The following ERMP1 variants were observed in gnomAD, a reference collection of about 807,000 sequenced individuals.
The protein encoded by ERMP1 is endoplasmic reticulum metallopeptidase 1, also known as Felix-ina.
ERMP1 carries 86 observed loss-of-function variants against 92.0 expected under a neutral mutation model. That is an observed-to-expected ratio of 0.93 (90% CI 0.79 to 1.12). The LOEUF (loss-of-function observed/expected upper bound fraction) is 1.12, where lower values mean the gene tolerates loss of function less well. ERMP1 is among the 50% of genes most tolerant of loss of function. ERMP1 has a pLI of 0.00. For missense variants in ERMP1, 1,342 were observed against 1,116.3 expected (o/e 1.20, Z -2.88); for synonymous variants, 530 against 412.8 (o/e 1.28, Z -3.44).
At chr9:5,862,173 G>C (rs569140200) in intron 5 of ERMP1, among the ~76,000 whole-genome samples, 1 of 152,040 alleles carries the variant, frequency 6.6e-6, no homozygotes, top group African/African-American at 2.4e-5. Context: ...GGGACCACAG[G>C]TGTGTGCCAC....
intron 6 of ERMP1, among the ~76,000 whole-genome samples, chr9:5,857,607 A>T (rs1429419875): frequency 6.6e-6 from 1 of 152,182 alleles, no homozygotes; most frequent in Non-Finnish European, 1.5e-5. Context: ...GACTGAACCC[A>T]ACCAGAGGTC....
chr9:5,846,566 T>G (rs1297250203), intron 6 of ERMP1, among the ~76,000 whole-genome samples: 1 of 152,238 alleles, frequency 6.6e-6, no homozygotes, highest in Non-Finnish European at 1.5e-5. Flanking sequence ...TTGGGAACCT[T>G]GCATGGTTTC....
upstream of ERMP1, among the ~76,000 whole-genome samples, chr9:5,834,883 C>T (rs943292760): frequency 2.7e-5 from 4 of 150,936 alleles, no homozygotes; most frequent in Non-Finnish European, 5.9e-5. Context: ...TCACAGAGTC[C>T]ACGTGTATTT....
At position 5,813,112 on chromosome 9, in the gene ERMP1, G is replaced by A; in HGVS notation, c.875-77C>T. On this transcript the variant is annotated intron_variant, in intron 4 of 14. Transcript: ENST00000339450. The stretch of plus-strand genomic sequence containing the variant: ...ACATACTAATGTTTTTCAACACATA[G>A]AAAACAGTAAAAGTGGTGGTTTTGG... The A allele has an allele frequency of 2.0e-6, 3 of 1,512,226 alleles. No individual in the cohort carries two copies. The Admixed American group carries it at 5.2e-5, about 26-fold the overall frequency. The allele number at this position is 1,512,226 out of a possible 1,614,324, so 93.7% of individuals were successfully genotyped here.
rs1438424023 is a variant in ERMP1, at chr9:5,787,251, A to G, written c.2608T>C (p.Ser870Pro). 6.2e-7 allele frequency: 1 copy of G among 1,614,102 alleles called. No individual in the cohort carries two copies. Among genetic ancestry groups the G allele is most frequent in the Non-Finnish European group, 8.5e-7 (1 of 1,179,992 alleles). The change falls in exon 15 of 15, where the codon TCT becomes CCT. Residue 870 changes from serine (S) to proline (P), a missense_variant. Coordinates refer to ENST00000339450, the MANE Select transcript of ERMP1 (RefSeq NM_024896.3). Reference sequence around the variant, plus strand: ...TGAGGGGATCTCTTGTCTTCCCCAGACAGATAGTGGGCAGCAATGGCCACG... The same window carrying G: ...TGAGGGGATCTCTTGTCTTCCCCAGGCAGATAGTGGGCAGCAATGGCCACG... Reference protein sequence around the residue: ...VTVAIAAHYLSGEDKRSPQLD... With the variant: ...VTVAIAAHYLPGEDKRSPQLD...
At position 5,787,034 on chromosome 9, in the gene ERMP1, T is replaced by G; in HGVS notation, c.*110A>C. ...GTTAACCCAGAAAGCTCTTTGAACA[T>G]ATGATCATTAAAATTCATTGACTTA... On this transcript the variant is annotated 3_prime_UTR_variant, in exon 15 of 15. Transcript: ENST00000339450. 1 of 1,136,962 alleles carries G rather than the reference T, an allele frequency of 8.8e-7. No individual in the cohort carries two copies. The highest frequency in any genetic ancestry group is 1.2e-6 in the Non-Finnish European group (1 of 806,244). 70.4% of individuals were successfully genotyped at this position (1,136,962 alleles called of 1,614,324 possible).
At chr9:5,848,881 G>A (rs1321791603) in intron 6 of ERMP1, among the ~76,000 whole-genome samples, 1 of 152,190 alleles carries the variant, frequency 6.6e-6, no homozygotes, top group African/African-American at 2.4e-5. Context: ...TTGAGTGCAG[G>A]TGGCTACTTG....
chr9:5,862,437 A>C (rs971957534), intron 5 of ERMP1, among the ~76,000 whole-genome samples: 1 of 151,716 alleles, frequency 6.6e-6, no homozygotes, highest in Admixed American at 6.6e-5. Context: ...GATTCAAGAG[A>C]TCCTCTCACC....
chr9:5,787,664 C>A (rs1828001823), intron 13 of ERMP1, 71 bp from the exon 14 acceptor site: 1 of 1,468,364 alleles, frequency 6.8e-7, no homozygotes, highest in South Asian at 1.3e-5. Flanking sequence ...ACAATCCAAA[C>A]CAGACTTCAT....
In ERMP1 at chr9:5,787,542, G is replaced by A; in HGVS notation, c.2438C>T (p.Ser813Phe). ...YVRAHKGSTL[S>F]QWSLGNGTPV... Reference sequence around the variant, plus strand: ...GGTGCCATTGCCAAGAGACCACTGAGAAAGTGTTGACCCTTTGTGGGCTCG... The same window carrying A: ...GGTGCCATTGCCAAGAGACCACTGAAAAAGTGTTGACCCTTTGTGGGCTCG... Residue 813 changes from serine to phenylalanine, a missense_variant, in exon 14 of 15, where the codon TCT becomes TTT. By Grantham distance (155) the Ser-to-Phe change is radical (BLOSUM62 -2). Coordinates refer to ENST00000339450, the MANE Select transcript of ERMP1 (RefSeq NM_024896.3). 2.5e-6 allele frequency: 4 copies of A among 1,614,116 alleles called. No individual in the cohort carries two copies. The South Asian group carries it at 4.4e-5, about 18-fold the overall frequency.
upstream of ERMP1, among the ~76,000 whole-genome samples, chr9:5,836,576 G>A (rs1164515790): frequency 6.6e-6 from 1 of 152,242 alleles, no homozygotes; most frequent in Non-Finnish European, 1.5e-5. Context: ...GAGGTGGTAT[G>A]AGAGTGAACC....
At chr9:5,846,947 G>A (rs4742125) in intron 6 of ERMP1, among the ~76,000 whole-genome samples, 139,850 of 152,212 alleles carry the variant, frequency 0.92, 65,292 homozygotes, top group East Asian at 1. Flanking sequence ...ATTTATGGCA[G>A]ACAGAGACCA....
intron 6 of ERMP1, among the ~76,000 whole-genome samples, chr9:5,854,762 G>T (rs1057327804): frequency 6.6e-6 from 1 of 152,090 alleles, no homozygotes; most frequent in Admixed American, 6.6e-5. Context: ...CCTGACCTCA[G>T]GTAATCCACT....
At chr9:5,801,087 A>T in intron 11 of ERMP1, 89 bp downstream of exon 11, 1 of 1,384,326 alleles carries the variant, frequency 7.2e-7, no homozygotes, top group Non-Finnish European at 9.8e-7. Context: ...ACAGCAGAAA[A>T]GTCAGCTGCG....
At chr9:5,788,454 G>T (rs1828031593) in intron 13 of ERMP1, among the ~76,000 whole-genome samples, 4 of 152,182 alleles carry the variant, frequency 2.6e-5, no homozygotes, top group African/African-American at 7.2e-5. Context: ...CATTTGGGTG[G>T]TGAAGATGAA....
intron 6 of ERMP1, among the ~76,000 whole-genome samples, chr9:5,851,248 T>A (rs921668690): frequency 5.9e-5 from 9 of 152,208 alleles, no homozygotes; most frequent in African/African-American, 2.2e-4. Flanking sequence ...CCTTTAGCAG[T>A]CATACAGCAC....
chr9:5,857,534 G>A (rs1830393568), intron 6 of ERMP1, among the ~76,000 whole-genome samples: 1 of 152,196 alleles, frequency 6.6e-6, no homozygotes, highest in Admixed American at 6.5e-5. Context: ...TGCAAATGAT[G>A]AGCATCTACT....
intron 6 of ERMP1, among the ~76,000 whole-genome samples, chr9:5,844,851 C>A (rs1257214506): frequency 6.6e-6 from 1 of 152,176 alleles, no homozygotes; most frequent in Non-Finnish European, 1.5e-5. Flanking sequence ...TCACCATCTG[C>A]TACAGAAACA....
rs183197741 is a variant in ERMP1, at chr9:5,809,262, C to T, written c.1548+749G>A. On this transcript the variant is annotated intron_variant, in intron 8 of 14. Transcript: ENST00000339450. ...GTCTCGATCTCCTGACCTTGTGATC[C>T]GCCCACCTCAGCCTCCCAAAGTGCT... Among the ~76,000 whole-genome samples, 1,067 of 152,168 alleles carry T rather than the reference C, an allele frequency of 7.0e-3. 13 individuals are homozygous for T. The highest frequency in any genetic ancestry group is 0.023 in the African/African-American group (975 of 41,504).
Sources: gnomAD v4.1 joint callset for allele counts (sites outside exome capture counted in the v4.1 genomes callset) on GRCh38, gnomAD v4.1.1 for gene constraint, MANE v1.5 for transcripts, NCBI Gene and HGNC (gene_info 2026-07-23, HGNC 2026-07-21) for gene names.